Variants in SKAP1 observed in about 807,000 individuals in gnomAD.
SKAP1 encodes the protein src kinase associated phosphoprotein 1.
In SKAP1, 44 loss-of-function variants were observed where a neutral mutation model predicts 58.5. The ratio of observed to expected loss-of-function variants is 0.75; its 90% CI spans 0.59 to 0.97. The LOEUF is 0.97. Ranked by LOEUF, SKAP1 falls within the 50% of genes least tolerant of loss-of-function variation. The pLI, the probability that SKAP1 is intolerant of heterozygous loss-of-function variation, is 0.00. For synonymous variants in SKAP1, 127 were observed against 149.7 expected (o/e 0.85, Z 1.11); for missense variants, 390 against 435.2 (o/e 0.90, Z 0.92).
intron 1 of SKAP1, among the ~76,000 whole-genome samples, chr17:48,419,338 G>A (rs988884811): frequency 2.0e-5 from 3 of 151,578 alleles, no homozygotes; most frequent in Admixed American, 2.0e-4. Flanking sequence ...AGGCTGGAGT[G>A]CAGTGGTGCT....
intron 4 of SKAP1, among the ~76,000 whole-genome samples, chr17:48,264,714 TACTTAA>T (rs1247978590): frequency 6.6e-6 from 1 of 150,746 alleles, no homozygotes; most frequent in East Asian, 1.9e-4. Context: ...AATAAAGCAA[TACTTAA>T]ACTTACATTT....
intron 4 of SKAP1, among the ~76,000 whole-genome samples, chr17:48,205,679 CAT>C (rs1439342245): frequency 2.6e-5 from 4 of 152,040 alleles, no homozygotes; most frequent in African/African-American, 9.7e-5. Flanking sequence ...AGAAACAAGT[CAT>C]ACAAAGCATT....
chr17:48,211,213 G>A lies in SKAP1; in HGVS notation c.281-21713C>T, dbSNP rs181834227. On this transcript the variant is annotated intron_variant, in intron 4 of 12. Coordinates refer to ENST00000336915, the MANE Select transcript of SKAP1 (RefSeq NM_003726.4). ...TCCCAGCACTTTGGAGGGCCAAGGT[G>A]GGAGGATGGCTTAAGCCCAGGAGTT... Among the ~76,000 whole-genome samples, 151 of 152,296 alleles carry A rather than the reference G, an allele frequency of 9.9e-4. 1 individual carries two copies. Among genetic ancestry groups the A allele is most frequent in the African/African-American group, 2.8e-3 (115 of 41,566 alleles).
intron 12 of SKAP1, 122 bp downstream of exon 12, chr17:48,137,107 C>T (rs2063710490): frequency 1.7e-6 from 1 of 599,614 alleles, no homozygotes; most frequent in African/African-American, 1.9e-5. Flanking sequence ...GAATCACTAG[C>T]ATTAGTATGA....
chr17:48,135,924 C>G (rs879896971), intron 12 of SKAP1, among the ~76,000 whole-genome samples: 1 of 152,062 alleles, frequency 6.6e-6, no homozygotes, highest in Non-Finnish European at 1.5e-5. Context: ...AAATGGTGCC[C>G]TGGGTTTGAG....
At chr17:48,440,938 C>T in the SKAP1 span, among the ~76,000 whole-genome samples, 1 of 152,150 alleles carries the variant, frequency 6.6e-6, no homozygotes, top group Non-Finnish European at 1.5e-5. Context: ...CAAAGGAGGA[C>T]CCCACAGCCT....
chr17:48,442,043 C>T, the SKAP1 span, among the ~76,000 whole-genome samples: 2 of 152,182 alleles, frequency 1.3e-5, no homozygotes, highest in African/African-American at 4.8e-5. Context: ...GTTTGTCCAG[C>T]TCCCAGGGAT....
rs117413142 is a variant in SKAP1, at chr17:48,306,840, G to C, written c.280+39065C>G. Among the ~76,000 whole-genome samples the C allele has an allele frequency of 4.2e-3, 643 of 152,264 alleles. 5 individuals carry two copies. Among genetic ancestry groups the C allele is most frequent in the Middle Eastern group, 0.01 (3 of 294 alleles). Reference sequence around the variant, plus strand: ...GTAAAAGTACCTTCATTAAAATGGAGACTACAACCTATAATAGAGAAATTA... The same window carrying C: ...GTAAAAGTACCTTCATTAAAATGGACACTACAACCTATAATAGAGAAATTA... On this transcript the variant is annotated intron_variant, in intron 4 of 12. Transcript: ENST00000336915.
Position 48,209,441 on chromosome 17 carries a change from A to T in SKAP1, c.281-19941T>A, listed in dbSNP as rs184587536. The stretch of plus-strand genomic sequence containing the variant: ...TGAAATATTAAGGATTACCTAAGAC[A>T]TTGTAGAATCTTAATTACCCCAGGT... On this transcript the variant is annotated intron_variant, in intron 4 of 12. Transcript: ENST00000336915. Among the ~76,000 whole-genome samples the T allele has an allele frequency of 4.9e-4, 75 of 152,344 alleles. 1 individual carries two copies. Among genetic ancestry groups the T allele is most frequent in the Admixed American group, 1.3e-3 (20 of 15,304 alleles).
chr17:48,440,188 T>C, the SKAP1 span, among the ~76,000 whole-genome samples: 1 of 152,138 alleles, frequency 6.6e-6, no homozygotes, highest in Non-Finnish European at 1.5e-5. Flanking sequence ...CCTCTGTAAA[T>C]GTAATCAGAG....
intron 4 of SKAP1, among the ~76,000 whole-genome samples, chr17:48,279,512 T>G (rs965368609): frequency 2.6e-5 from 4 of 152,118 alleles, no homozygotes; most frequent in Non-Finnish European, 5.9e-5. Flanking sequence ...TACTGGAAAT[T>G]TTACATGAAA....
the SKAP1 span, among the ~76,000 whole-genome samples, chr17:48,444,800 C>T: frequency 6.6e-6 from 1 of 152,256 alleles, no homozygotes; most frequent in African/African-American, 2.4e-5. Flanking sequence ...CCCAGTCCAC[C>T]GGAAGTGAAG....
intron 1 of SKAP1, among the ~76,000 whole-genome samples, chr17:48,403,266 G>A (rs1399466685): frequency 1.3e-5 from 2 of 151,832 alleles, no homozygotes; most frequent in Non-Finnish European, 2.9e-5. Flanking sequence ...TACTTGGGAG[G>A]CTGAGACAGT....
intron 4 of SKAP1, among the ~76,000 whole-genome samples, chr17:48,268,165 G>A (rs1363579702): frequency 6.6e-6 from 1 of 151,694 alleles, no homozygotes; most frequent in Non-Finnish European, 1.5e-5. Context: ...TTATAAAAAT[G>A]AGAAGAAGAT....
At chr17:48,385,136 A>G (rs1026765535) in intron 2 of SKAP1, among the ~76,000 whole-genome samples, 1 of 152,190 alleles carries the variant, frequency 6.6e-6, no homozygotes, top group Non-Finnish European at 1.5e-5. Flanking sequence ...AGACCAAATA[A>G]GACAAAGACT....
At chr17:48,177,542 C>A (rs1048449774) in intron 9 of SKAP1, among the ~76,000 whole-genome samples, 14 of 152,136 alleles carry the variant, frequency 9.2e-5, no homozygotes, top group African/African-American at 3.4e-4. Context: ...GAGCTAGTAT[C>A]TGTGCCTAGG....
At chr17:48,432,436 AG>A (rs772055627), upstream of SKAP1, among the ~76,000 whole-genome samples, 629 of 146,314 alleles carry the variant, frequency 4.3e-3, 2 homozygotes, top group African/African-American at 0.014. Flanking sequence ...CTCAAAAAAA[AG>A]AAAGAAAGAA....
chr17:48,308,073 CA>C (rs1398635688), intron 4 of SKAP1: 1 of 152,184 alleles, frequency 6.6e-6, no homozygotes, highest in Non-Finnish European at 1.5e-5. Context: ...AGGCGGACTA[CA>C]ATTCAGAGCT....
At chr17:48,296,577 G>A (rs1181899997) in intron 4 of SKAP1, among the ~76,000 whole-genome samples, 1 of 152,010 alleles carries the variant, frequency 6.6e-6, no homozygotes, top group African/African-American at 2.4e-5. Flanking sequence ...AAATATTCTG[G>A]TCTAACTAAA....
Sources: gnomAD v4.1 joint callset for allele counts (sites outside exome capture counted in the v4.1 genomes callset) on GRCh38, gnomAD v4.1.1 for gene constraint, MANE v1.5 for transcripts, NCBI Gene and HGNC (gene_info 2026-07-23, HGNC 2026-07-21) for gene names.